SEMA5A: variants seen among roughly 807,000 people sequenced by gnomAD.
The protein encoded by SEMA5A is semaphorin 5A, also known as semaphorin-5A.
Under a neutral mutation model 135.5 loss-of-function variants are expected in SEMA5A, and 55 were observed. The ratio of observed to expected loss-of-function variants is 0.41; its 90% CI spans 0.33 to 0.51. The LOEUF (loss-of-function observed/expected upper bound fraction) is 0.51, where lower values mean the gene tolerates loss of function less well. SEMA5A is among the 20% of genes least tolerant of loss of function. SEMA5A has a pLI of 0.37. For missense variants in SEMA5A, 1,290 were observed against 1,419.9 expected (o/e 0.91, Z 1.47); for synonymous variants, 580 against 546.5 (o/e 1.06, Z -0.85).
chr5:9,480,684 G>T (rs1759842304), intron 1 of SEMA5A, among the ~76,000 whole-genome samples: 1 of 152,108 alleles, frequency 6.6e-6, no homozygotes, highest in African/African-American at 2.4e-5. Flanking sequence ...AGGGAAACAG[G>T]CTGGGAACAT....
chr5:9,486,645 A>G (rs1475087469), intron 1 of SEMA5A, among the ~76,000 whole-genome samples: 2 of 152,152 alleles, frequency 1.3e-5, no homozygotes, highest in Non-Finnish European at 2.9e-5. Flanking sequence ...AAATACTCAC[A>G]TAAAAAAAAA....
chr5:9,084,275 C>T (rs780570793), intron 16 of SEMA5A, among the ~76,000 whole-genome samples: 116 of 152,170 alleles, frequency 7.6e-4, no homozygotes, highest in Non-Finnish European at 1.4e-3. Context: ...CTTCCCAGAA[C>T]ATGCAGCCCC....
intron 3 of SEMA5A, among the ~76,000 whole-genome samples, chr5:9,353,462 C>T (rs930472317): frequency 1.3e-5 from 2 of 151,982 alleles, no homozygotes; most frequent in African/African-American, 4.8e-5. Context: ...CACCTCTGGG[C>T]ATATCTACTC....
intron 2 of SEMA5A, among the ~76,000 whole-genome samples, chr5:9,418,197 C>T (rs59358354): frequency 0.01 from 1,545 of 152,102 alleles, 25 homozygotes; most frequent in African/African-American, 0.034. Context: ...AAGATGGTCT[C>T]GATCTCCTGA....
intron 1 of SEMA5A, among the ~76,000 whole-genome samples, chr5:9,497,612 C>T (rs1406155629): frequency 6.6e-6 from 1 of 152,164 alleles, no homozygotes. Context: ...CATCTAAGCA[C>T]GTCCCAGATG....
At chr5:9,515,120 G>C (rs1736434721) in intron 1 of SEMA5A, among the ~76,000 whole-genome samples, 1 of 152,140 alleles carries the variant, frequency 6.6e-6, no homozygotes, top group African/African-American at 2.4e-5. Flanking sequence ...GCCTACAGTT[G>C]CAAAAATCAT....
At chr5:9,541,358 C>T (rs969453439) in intron 1 of SEMA5A, among the ~76,000 whole-genome samples, 1 of 152,048 alleles carries the variant, frequency 6.6e-6, no homozygotes, top group African/African-American at 2.4e-5. Context: ...CCTCATTATT[C>T]TACATGAACC....
At chr5:9,139,499 G>A (rs1226594373) in intron 12 of SEMA5A, among the ~76,000 whole-genome samples, 4 of 152,130 alleles carry the variant, frequency 2.6e-5, no homozygotes, top group Admixed American at 1.3e-4. Flanking sequence ...TCTTTCAGTT[G>A]TGTCTTAGGT....
In SEMA5A at chr5:9,036,614, A is replaced by G. The variant is rs1735666193; in HGVS notation, c.*6283T>C. On this transcript the variant is annotated 3_prime_UTR_variant, in exon 23 of 23. Transcript: ENST00000382496. ...TTTCTAGAAGGCTAATACTGAAGTC[A>G]CCTCTCTTCTGAGCATATGTTGTAC... The G allele has an allele frequency of 6.6e-6, 1 of 152,438 alleles. No homozygotes were observed. Among genetic ancestry groups the G allele is most frequent in the African/African-American group, 2.4e-5 (1 of 41,436 alleles). 9.4% of individuals were successfully genotyped at this position (152,438 alleles called of 1,614,324 possible).
intron 2 of SEMA5A, among the ~76,000 whole-genome samples, chr5:9,389,237 C>T (rs1756040737): frequency 6.6e-6 from 1 of 152,160 alleles, no homozygotes; most frequent in Non-Finnish European, 1.5e-5. Context: ...TGAAAGTACA[C>T]TCCAACCTCT....
rs142349520 is a variant in SEMA5A at position 9,433,065 on chromosome 5, G to A, written c.-78+4691C>T. On this transcript the variant is annotated intron_variant, in intron 2 of 22. Transcript: ENST00000382496. The stretch of plus-strand genomic sequence containing the variant: ...GTCTCTATTTGTAGAAAGGAGAAGT[G>A]TGTTTCTGGGATTTTCTCCCACTTG... Among the ~76,000 whole-genome samples, 52 of 152,270 alleles carry A rather than the reference G, an allele frequency of 3.4e-4. No homozygotes were observed. In the East Asian group the frequency reaches 6.6e-3, roughly 19 times the overall value.
intron 1 of SEMA5A, among the ~76,000 whole-genome samples, chr5:9,496,733 C>G (rs1407931735): frequency 6.6e-6 from 1 of 152,160 alleles, no homozygotes; most frequent in East Asian, 1.9e-4. Context: ...AAAAAATGAC[C>G]ATCCTGGAGT....
At chr5:9,462,478 C>T (rs1345860650) in intron 1 of SEMA5A, among the ~76,000 whole-genome samples, 2 of 152,126 alleles carry the variant, frequency 1.3e-5, no homozygotes, top group Non-Finnish European at 2.9e-5. Flanking sequence ...AATTGATACA[C>T]ATACCCAAAG....
At chr5:9,221,427 C>T (rs371089213) in intron 8 of SEMA5A, among the ~76,000 whole-genome samples, 20 of 150,696 alleles carry the variant, frequency 1.3e-4, no homozygotes, top group South Asian at 4.2e-4. Context: ...CTCAGCCTCC[C>T]GAGTAGCTGG....
Position 9,216,744 on chromosome 5 carries a change from T to TTG in SEMA5A, c.646+7928_646+7929dup, listed in dbSNP as rs1356337823. 2.0e-5 allele frequency among the ~76,000 whole-genome samples: 3 copies of TTG among 152,324 alleles called. No homozygotes were observed. In the East Asian group the frequency reaches 5.8e-4, roughly 29 times the overall value. Reference sequence around the variant, plus strand: ...CTTTACCATTATGTAATGCCTGTCTTTGTCTTTTTGATCTTTGTTGGTTTG... The same window carrying TTG: ...CTTTACCATTATGTAATGCCTGTCTTTGTGTCTTTTTGATCTTTGTTGGTTTG... On this transcript the variant is annotated intron_variant, in intron 8 of 22. Transcript: ENST00000382496.
intron 16 of SEMA5A, among the ~76,000 whole-genome samples, chr5:9,101,198 T>C (rs1017194222): frequency 1.3e-5 from 2 of 152,254 alleles, no homozygotes; most frequent in African/African-American, 2.4e-5. Flanking sequence ...CATTGGTGTT[T>C]AAGTTAATCT....
At chr5:9,119,259 G>A (rs1384156138) in intron 14 of SEMA5A, 118 bp from the exon 15 acceptor site, 32 of 1,234,074 alleles carry the variant, frequency 2.6e-5, no homozygotes, top group Non-Finnish European at 3.7e-5. Flanking sequence ...GGCTGCTCAG[G>A]AGAGAAAACA....
At chr5:9,345,597 A>T (rs1417486421) in intron 3 of SEMA5A, among the ~76,000 whole-genome samples, 1 of 151,806 alleles carries the variant, frequency 6.6e-6, no homozygotes, top group Non-Finnish European at 1.5e-5. Context: ...TCTAAATGAT[A>T]GTATTTTAAA....
chr5:9,206,991 A>G (rs1183483844), intron 8 of SEMA5A, among the ~76,000 whole-genome samples: 1 of 147,584 alleles, frequency 6.8e-6, no homozygotes, highest in Non-Finnish European at 1.5e-5. Flanking sequence ...CAAGTGTCGC[A>G]CAAGGTGGCT....
Sources: gnomAD v4.1 joint callset for allele counts (sites outside exome capture counted in the v4.1 genomes callset) on GRCh38, gnomAD v4.1.1 for gene constraint, MANE v1.5 for transcripts, NCBI Gene and HGNC (gene_info 2026-07-23, HGNC 2026-07-21) for gene names.